DPYD: variants seen among roughly 807,000 people sequenced by gnomAD.
DPYD encodes dihydropyrimidine dehydrogenase, also known as dihydropyrimidine dehydrogenase [NADP(+)].
Under a neutral mutation model 116.2 loss-of-function variants are expected in DPYD, and 109 were observed. That is an observed-to-expected ratio of 0.94 (90% CI 0.80 to 1.10). The LOEUF (loss-of-function observed/expected upper bound fraction) is 1.10, where lower values mean the gene tolerates loss of function less well. Ranked by LOEUF, DPYD falls within the 50% of genes least tolerant of loss-of-function variation. The probability of loss-of-function intolerance (pLI) is 0.00; values close to 1 mark genes in which losing one functional copy is unlikely to be tolerated. For synonymous variants in DPYD, 440 were observed against 432.0 expected (o/e 1.02, Z -0.23); for missense variants, 1,302 against 1,254.5 (o/e 1.04, Z -0.57).
intron 18 of DPYD, among the ~76,000 whole-genome samples, chr1:97,303,073 C>T (rs1666959970): frequency 6.6e-6 from 1 of 151,726 alleles, no homozygotes. Flanking sequence ...CCAGGTGCCT[C>T]ACTATTTCCG....
At chr1:97,733,062 G>C (rs1446745225) in intron 4 of DPYD, among the ~76,000 whole-genome samples, 1 of 151,950 alleles carries the variant, frequency 6.6e-6, no homozygotes, top group Non-Finnish European at 1.5e-5. Context: ...TTTGAAAATA[G>C]ATCTAAATAA....
At chr1:97,105,315 G>A (rs1345915974) in intron 20 of DPYD, among the ~76,000 whole-genome samples, 2 of 152,030 alleles carry the variant, frequency 1.3e-5, no homozygotes, top group Non-Finnish European at 2.9e-5. Flanking sequence ...TGAAAAGAGA[G>A]GGCAAGAGAG....
chr1:97,365,066 CCTTAT>C (rs1670951887), intron 16 of DPYD, among the ~76,000 whole-genome samples: 1 of 152,144 alleles, frequency 6.6e-6, no homozygotes, highest in South Asian at 2.1e-4. Context: ...TTGTCTTATT[CCTTAT>C]CTTCTCTCTT....
intron 18 of DPYD, among the ~76,000 whole-genome samples, chr1:97,275,742 A>C (rs767437199): frequency 6.6e-5 from 10 of 152,146 alleles, no homozygotes; most frequent in Admixed American, 1.3e-4. Flanking sequence ...TTGAAGATTA[A>C]TTTATCTCAA....
intron 21 of DPYD, among the ~76,000 whole-genome samples, chr1:97,097,005 C>T (rs892298617): frequency 6.6e-6 from 1 of 152,136 alleles, no homozygotes; most frequent in Non-Finnish European, 1.5e-5. Context: ...ATCTCCAAAT[C>T]ATATAGTAGT....
At chr1:97,461,106 G>A (rs148586482) in intron 13 of DPYD, among the ~76,000 whole-genome samples, 1 of 151,616 alleles carries the variant, frequency 6.6e-6, no homozygotes, top group East Asian at 1.9e-4. Flanking sequence ...TACTACCTGG[G>A]ACACTTTATC....
chr1:97,155,983 G>T (rs915966408), intron 20 of DPYD, among the ~76,000 whole-genome samples: 2 of 127,950 alleles, frequency 1.6e-5, no homozygotes, highest in African/African-American at 6.5e-5. Flanking sequence ...CTGAGATTCT[G>T]CATTTTTCAA....
intron 3 of DPYD, among the ~76,000 whole-genome samples, chr1:97,753,447 C>T (rs886928023): frequency 5.9e-5 from 9 of 152,146 alleles, no homozygotes; most frequent in Non-Finnish European, 1.3e-4. Context: ...CCAGGTTTGA[C>T]TTGCTCTACA....
intron 1 of DPYD, among the ~76,000 whole-genome samples, chr1:97,913,349 C>T (rs1275485170): frequency 6.6e-6 from 1 of 152,100 alleles, no homozygotes; most frequent in African/African-American, 2.4e-5. Context: ...TTAATATGAA[C>T]ACACACCAGG....
intron 1 of DPYD, among the ~76,000 whole-genome samples, chr1:97,900,014 T>C (rs970422615): frequency 2.0e-5 from 3 of 151,968 alleles, no homozygotes; most frequent in Non-Finnish European, 2.9e-5. Flanking sequence ...TTGGGAGCCA[T>C]AGTTCTCAGC....
intron 20 of DPYD, among the ~76,000 whole-genome samples, chr1:97,115,537 A>T (rs1432477818): frequency 6.6e-6 from 1 of 152,210 alleles, no homozygotes; most frequent in African/African-American, 2.4e-5. Context: ...CAGCACATAC[A>T]GTATGATCCT....
intron 2 of DPYD, among the ~76,000 whole-genome samples, chr1:97,867,826 C>G (rs1671463319): frequency 1.3e-5 from 2 of 151,696 alleles, no homozygotes; most frequent in East Asian, 3.9e-4. Context: ...ACAAGGATAC[C>G]CACTTTTACC....
intron 19 of DPYD, among the ~76,000 whole-genome samples, chr1:97,225,562 T>TG (rs200240946): frequency 1.2e-4 from 9 of 74,734 alleles, no homozygotes; most frequent in South Asian, 6.5e-4. Flanking sequence ...ATCAGGTTGT[T>TG]TTTTTTTTTT....
intron 2 of DPYD, among the ~76,000 whole-genome samples, chr1:97,846,098 G>A (rs796405164): frequency 3.9e-5 from 6 of 152,318 alleles, no homozygotes; most frequent in African/African-American, 1.2e-4. Context: ...CTGCTGGGCC[G>A]AGTGGGCAGA....
chr1:97,257,855 T>A (rs1557978286), intron 18 of DPYD, among the ~76,000 whole-genome samples: 1 of 152,076 alleles, frequency 6.6e-6, no homozygotes, highest in Non-Finnish European at 1.5e-5. Context: ...AATGAATATA[T>A]AAATAACTTA....
chr1:97,202,636 T>C (rs1659289229), intron 19 of DPYD, among the ~76,000 whole-genome samples: 2 of 152,212 alleles, frequency 1.3e-5, no homozygotes, highest in Admixed American at 6.5e-5. Flanking sequence ...GAGACTGATC[T>C]TCTCTGTTGC....
At chr1:97,436,560 T>C (rs1162957917) in intron 14 of DPYD, among the ~76,000 whole-genome samples, 1 of 152,008 alleles carries the variant, frequency 6.6e-6, no homozygotes. Flanking sequence ...CCTGACAAAT[T>C]ACAAAATGAA....
chr1:97,244,018 G>A (rs1185313930), intron 18 of DPYD, among the ~76,000 whole-genome samples: 4 of 151,930 alleles, frequency 2.6e-5, no homozygotes, highest in Non-Finnish European at 5.9e-5. Context: ...TCACTATACT[G>A]TCCAAGACTC....
At chr1:97,407,602 C>A (rs908612019) in intron 14 of DPYD, among the ~76,000 whole-genome samples, 15 of 152,074 alleles carry the variant, frequency 9.9e-5, no homozygotes, top group African/African-American at 3.6e-4. Context: ...ATTATAATGC[C>A]AACTAGGTGA....
Sources: gnomAD v4.1 joint callset for allele counts (sites outside exome capture counted in the v4.1 genomes callset) on GRCh38, gnomAD v4.1.1 for gene constraint, MANE v1.5 for transcripts, NCBI Gene and HGNC (gene_info 2026-07-23, HGNC 2026-07-21) for gene names.